Variants in DNAJC11 observed in about 807,000 individuals in gnomAD.
DNAJC11 encodes the protein dnaJ homolog subfamily C member 11.
Under a neutral mutation model 78.6 loss-of-function variants are expected in DNAJC11, and 15 were observed. That is an observed-to-expected ratio of 0.19 (90% CI 0.13 to 0.29). The LOEUF is 0.29. Among genes scored for constraint, DNAJC11 ranks in the 10% least tolerant of loss-of-function variants. The probability of loss-of-function intolerance (pLI) is 1.00; values close to 1 mark genes in which losing one functional copy is unlikely to be tolerated. For synonymous variants in DNAJC11, 292 were observed against 272.1 expected (o/e 1.07, Z -0.72); for missense variants, 547 against 709.6 (o/e 0.77, Z 2.60).
intron 1 of DNAJC11, among the ~76,000 whole-genome samples, chr1:6,695,622 T>C (rs1642821801): frequency 3.2e-5 from 2 of 62,974 alleles, no homozygotes; most frequent in Admixed American, 2.3e-4. Flanking sequence ...AAACCCTATC[T>C]CTACTAAAAA....
chr1:6,686,352 A>T (rs1412864432), intron 1 of DNAJC11, among the ~76,000 whole-genome samples: 1 of 152,258 alleles, frequency 6.6e-6, no homozygotes. Context: ...GAATCCTAAC[A>T]CCAAAAAGCT....
intron 1 of DNAJC11, among the ~76,000 whole-genome samples, chr1:6,700,789 C>A (rs1438922290): frequency 6.6e-6 from 1 of 152,194 alleles, no homozygotes; most frequent in East Asian, 1.9e-4. Context: ...CCAAACTTGG[C>A]TAGCTTTCAT....
At position 6,634,543 on chromosome 1, in the gene DNAJC11, G is replaced by A. The variant is rs1259404189; in HGVS notation, c.*1132C>T. On this transcript the variant is annotated 3_prime_UTR_variant, in exon 16 of 16. Coordinates refer to ENST00000377577, the MANE Select transcript of DNAJC11 (RefSeq NM_018198.4). ...CAGCTGTCTCAGCCACCACCTGTGC[G>A]GCGCTTGCTCCGAGGGGTCAGCAAG... 8 of 1,364,052 alleles carry A rather than the reference G, an allele frequency of 5.9e-6. No homozygotes were observed. Among genetic ancestry groups the A allele is most frequent in the South Asian group, 2.3e-5 (2 of 87,208 alleles). The allele number at this position is 1,364,052 out of a possible 1,614,324, so 84.5% of individuals were successfully genotyped here.
intron 14 of DNAJC11, among the ~76,000 whole-genome samples, chr1:6,636,464 G>A (rs1169156009): frequency 1.3e-5 from 2 of 152,166 alleles, no homozygotes; most frequent in Non-Finnish European, 2.9e-5. Context: ...GCCACCAGAT[G>A]ACTTCTAGGG....
intron 4 of DNAJC11, among the ~76,000 whole-genome samples, chr1:6,661,425 GA>G (rs1642209730): frequency 6.6e-6 from 1 of 152,184 alleles, no homozygotes; most frequent in African/African-American, 2.4e-5. Flanking sequence ...ATGCTGACAT[GA>G]GGGGGTGAAA....
chr1:6,686,479 C>T (rs1288806553), intron 1 of DNAJC11, among the ~76,000 whole-genome samples: 1 of 152,186 alleles, frequency 6.6e-6, no homozygotes, highest in Non-Finnish European at 1.5e-5. Flanking sequence ...TTGGCAATGT[C>T]TTCAGGTCCC....
chr1:6,652,540 C>T (rs994136915), intron 6 of DNAJC11, among the ~76,000 whole-genome samples: 12 of 152,094 alleles, frequency 7.9e-5, no homozygotes, highest in African/African-American at 2.7e-4. Context: ...ATGTGATTCT[C>T]GTGATTCTCC....
At chr1:6,701,488 G>C (rs1642927704) in intron 1 of DNAJC11, among the ~76,000 whole-genome samples, 2 of 152,220 alleles carry the variant, frequency 1.3e-5, no homozygotes, top group African/African-American at 4.8e-5. Flanking sequence ...CGGACACAGT[G>C]CACGCGGCGC....
chr1:6,693,713 C>T (rs1642788066), intron 1 of DNAJC11, among the ~76,000 whole-genome samples: 1 of 151,802 alleles, frequency 6.6e-6, no homozygotes, highest in South Asian at 2.1e-4. Context: ...TAGACGGAGT[C>T]TCGCTTTTTA....
intron 1 of DNAJC11, among the ~76,000 whole-genome samples, chr1:6,686,791 A>G (rs1642663569): frequency 6.6e-6 from 1 of 152,274 alleles, no homozygotes; most frequent in African/African-American, 2.4e-5. Flanking sequence ...TGCAAATAAC[A>G]ACTTAATAAC....
intron 10 of DNAJC11, among the ~76,000 whole-genome samples, chr1:6,641,165 C>T (rs1166577151): frequency 1.3e-5 from 2 of 151,810 alleles, no homozygotes; most frequent in Non-Finnish European, 2.9e-5. Flanking sequence ...GCAGGAGGAT[C>T]GCTTGAGGTC....
chr1:6,653,140 GACC>G lies in DNAJC11; in HGVS notation c.508-192_508-190del, dbSNP rs1642081041. The stretch of plus-strand genomic sequence containing the variant: ...CCGCTTTGTTATTTGGTCTGCATGT[GACC>G]ACGAGGGTAATATGCTTTGCAAAAG... On this transcript the variant is annotated intron_variant, in intron 5 of 15. Coordinates refer to ENST00000377577, the MANE Select transcript of DNAJC11 (RefSeq NM_018198.4). The surrounding 1 kb of genome is among the most constrained non-coding windows in gnomAD (Gnocchi z 4.5). Among the ~76,000 whole-genome samples, 8 of 152,284 alleles carry G rather than the reference GACC, an allele frequency of 5.3e-5. 1 individual carries two copies. In the South Asian group the frequency reaches 1.7e-3, roughly 32 times the overall value.
At chr1:6,669,545 G>C (rs1642345537) in intron 3 of DNAJC11, among the ~76,000 whole-genome samples, 1 of 150,652 alleles carries the variant, frequency 6.6e-6, no homozygotes, top group South Asian at 2.1e-4. Flanking sequence ...GAAAAGAAAA[G>C]AAAAGAAAAG....
Position 6,667,786 on chromosome 1 carries a change from C to T in DNAJC11, c.301G>A (p.Ala101Thr). ...WEVVERRRTP[A>T]EIREEFERLQ... The stretch of plus-strand genomic sequence containing the variant: ...CGCTCAAACTCCTCTCGAATTTCAG[C>T]AGGGGTTCTCCTCCTTTCCACAACC... Residue 101 changes from alanine to threonine, a missense_variant, in exon 4 of 16, where the codon GCT becomes ACT. By Grantham distance (58) the Ala-to-Thr change is moderately conservative. Transcript: ENST00000377577. 1 of 1,614,050 alleles carries T rather than the reference C, an allele frequency of 6.2e-7. No individual in the cohort carries two copies.
rs780036026 is a variant in DNAJC11 at position 6,653,953 on chromosome 1, C to T, written c.465G>A (p.Pro155=). The T allele has an allele frequency of 8.3e-5, 134 of 1,613,166 alleles. No individual in the cohort carries two copies. The highest frequency in any genetic ancestry group is 1.0e-4 in the Non-Finnish European group (123 of 1,179,470). Residue 155 remains proline (P), a synonymous_variant, in exon 5 of 16, where the codon CCG becomes CCA. Transcript: ENST00000377577. The surrounding 1 kb of genome is among the most constrained non-coding windows in gnomAD (Gnocchi z 4.5). ...EYEDVSGSSF[P]QIEINKMHIS... Reference sequence around the variant, plus strand: ...TGTGCATTTTATTAATTTCAATCTGCGGAAAGCTACTGCCGGACACATCTT... The same window carrying T: ...TGTGCATTTTATTAATTTCAATCTGTGGAAAGCTACTGCCGGACACATCTT...
chr1:6,682,455 T>C (rs1642569372), intron 1 of DNAJC11, among the ~76,000 whole-genome samples: 1 of 152,078 alleles, frequency 6.6e-6, no homozygotes. Context: ...CAGAGGACAT[T>C]GGCCCATCGG....
At chr1:6,651,142 T>A (rs1642048540) in intron 7 of DNAJC11, 1 of 539,622 alleles carries the variant, frequency 1.9e-6, no homozygotes, top group East Asian at 5.3e-5. Flanking sequence ...ATCTCTGGCA[T>A]ATGTCAATCA....
At chr1:6,644,984 T>C (rs1641943462) in intron 9 of DNAJC11, 57 bp downstream of exon 9, 11 of 1,508,474 alleles carry the variant, frequency 7.3e-6, no homozygotes, top group Admixed American at 1.7e-5. Flanking sequence ...CTGGTTCCAC[T>C]GTGAAGACCC....
At chr1:6,655,584 A>G (rs780363819) in intron 4 of DNAJC11, among the ~76,000 whole-genome samples, 14 of 152,168 alleles carry the variant, frequency 9.2e-5, no homozygotes, top group Non-Finnish European at 1.8e-4. Flanking sequence ...ACACTTTGGG[A>G]GGCTGAGGGA....
Sources: gnomAD v4.1 joint callset for allele counts (sites outside exome capture counted in the v4.1 genomes callset) on GRCh38, gnomAD v4.1.1 for gene constraint, Gnocchi (gnomAD v3.1) non-coding constraint, MANE v1.5 for transcripts, NCBI Gene and HGNC (gene_info 2026-07-23, HGNC 2026-07-21) for gene names.